Variants in SMG1 observed in about 807,000 individuals in gnomAD.
SMG1 encodes the protein serine/threonine-protein kinase SMG1.
In SMG1, 22 loss-of-function variants were observed where a neutral mutation model predicts 419.9. The observed-to-expected ratio is 0.05, with a 90% CI of 0.04 to 0.07. The LOEUF is 0.07. Ranked by LOEUF, SMG1 falls within the 10% of genes least tolerant of loss-of-function variation. The pLI is 1.00. For synonymous variants in SMG1, 1,538 were observed against 1,553.5 expected (o/e 0.99, Z 0.23); for missense variants, 3,185 against 4,342.0 (o/e 0.73, Z 7.49).
intron 10 of SMG1, among the ~76,000 whole-genome samples, chr16:18,880,738 G>A (rs1188538012): frequency 7.2e-6 from 1 of 138,948 alleles, no homozygotes; most frequent in Non-Finnish European, 1.6e-5. Flanking sequence ...GGGCGCGGAG[G>A]GGGAAGCATT....
Position 18,812,106 on chromosome 16 carries a change from T to C in SMG1, c.10643A>G (p.Gln3548Arg), listed in dbSNP as rs779636484. 7.4e-6 allele frequency: 12 copies of C among 1,613,206 alleles called. No homozygotes were observed. The highest frequency in any genetic ancestry group is 4.5e-5 in the East Asian group (2 of 44,898). Residue 3548 changes from glutamine to arginine, a missense_variant, in exon 61 of 63, where the codon CAG (glutamine) becomes CGG (arginine). Transcript: ENST00000446231. ...FAAAVRSNTG[Q>R]KTQPDVMSQN... ...TGACATGACATCAGGCTGAGTCTTC[T>C]GGCCAGTGTTACTCCGGACTGCTAC...
chr16:18,881,464 G>A (rs1484328911), intron 10 of SMG1, among the ~76,000 whole-genome samples: 4 of 152,022 alleles, frequency 2.6e-5, no homozygotes, highest in South Asian at 2.1e-4. Context: ...ATCTAGCAAC[G>A]TGTTCAGCAA....
rs758354285 is a variant in SMG1, at chr16:18,877,137, T to C, written c.1614A>G (p.Glu538=). Residue 538 remains glutamate (E), a synonymous_variant, in exon 12 of 63, where the codon GAA becomes GAG. Coordinates refer to ENST00000446231, the MANE Select transcript of SMG1 (RefSeq NM_015092.5). The part of the protein sequence containing the change: ...SKLLFLRYHK[E]KEVVAVAHAV... The stretch of plus-strand genomic sequence containing the variant: ...TTATCAATGTATTACTTACCTCTTT[T>C]TCTTTATGATAACGCAAGAATAGTA... 12 of 1,543,492 alleles carry C rather than the reference T, an allele frequency of 7.8e-6. No homozygotes were observed. In the South Asian group the frequency reaches 1.4e-4, roughly 18 times the overall value.
intron 1 of SMG1, among the ~76,000 whole-genome samples, chr16:18,918,339 C>G (rs1251561375): frequency 6.6e-6 from 1 of 152,180 alleles, no homozygotes. Context: ...GGGTTCCCAA[C>G]CCAGTGCTTC....
At chr16:18,892,684 G>T (rs1312590258) in intron 3 of SMG1, among the ~76,000 whole-genome samples, 2 of 152,084 alleles carry the variant, frequency 1.3e-5, no homozygotes, top group African/African-American at 4.8e-5. Flanking sequence ...AGTGAGCCAA[G>T]ATCACCCCAT....
intron 39 of SMG1, 125 bp downstream of exon 39, chr16:18,845,304 A>G (rs1346572513): frequency 1.3e-6 from 1 of 757,904 alleles, no homozygotes; most frequent in Non-Finnish European, 2.0e-6. Flanking sequence ...AACTGGCCAC[A>G]GGCTGCCTCC....
At chr16:18,913,055 T>A (rs1292027232) in intron 1 of SMG1, among the ~76,000 whole-genome samples, 1 of 152,150 alleles carries the variant, frequency 6.6e-6, no homozygotes, top group Non-Finnish European at 1.5e-5. Context: ...TTTTTACTCA[T>A]CTAATGAGAA....
intron 25 of SMG1, 31 bp downstream of exon 25, chr16:18,863,619 T>C (rs1330041862): frequency 6.4e-7 from 1 of 1,567,860 alleles, no homozygotes; most frequent in Non-Finnish European, 8.7e-7. Flanking sequence ...TATTGGAAAT[T>C]TGTTTTATAA....
chr16:18,908,408 T>C (rs1277235243), intron 1 of SMG1, among the ~76,000 whole-genome samples: 2 of 136,452 alleles, frequency 1.5e-5, no homozygotes, highest in Admixed American at 1.5e-4. Flanking sequence ...CCAACGAAGA[T>C]TAAGAATCAC....
At position 18,839,829 on chromosome 16, in the gene SMG1, G is replaced by T; in HGVS notation, c.6814C>A (p.Arg2272Ser). The T allele has an allele frequency of 6.2e-7, 1 of 1,613,868 alleles. No homozygotes were observed. Among genetic ancestry groups the T allele is most frequent in the Non-Finnish European group, 8.5e-7 (1 of 1,179,854 alleles). The change falls in exon 42 of 63, where the codon CGT becomes AGT. Residue 2272 changes from arginine to serine, a missense_variant. Coordinates refer to ENST00000446231, the MANE Select transcript of SMG1 (RefSeq NM_015092.5). ...KTVGLSLDVS[R>S]RDWPLHVMKA... The stretch of plus-strand genomic sequence containing the variant: ...ATTACATGAAGAGGCCAATCCCGAC[G>T]GGACACATCCAGGCTAAGCCCAACT...
rs2035072643 is a variant in SMG1 at position 18,859,085 on chromosome 16, A to G, written c.4050T>C (p.Ser1350=). 4 of 1,529,906 alleles carry G rather than the reference A, an allele frequency of 2.6e-6. No homozygotes were observed. Among genetic ancestry groups the G allele is most frequent in the Non-Finnish European group, 3.5e-6 (4 of 1,141,720 alleles). 94.8% of individuals were successfully genotyped at this position (1,529,906 alleles called of 1,614,324 possible). A position where few individuals can be genotyped will look rare whatever the true frequency, so the allele number is the denominator to read the frequency against. The part of the protein sequence containing the change: ...LTVSQSLPVL[S]TLQLYCSSAL... ...CAGATGAGCAATACAGCTGCAAGGT[A>G]CTTAGAACTGGCAAAGACTGTGAAA... Residue 1350 remains serine, a synonymous_variant, in exon 28 of 63, where the codon AGT becomes AGC. Coordinates refer to ENST00000446231, the MANE Select transcript of SMG1 (RefSeq NM_015092.5).
chr16:18,877,882 T>G (rs1179717996), intron 11 of SMG1: 1 of 152,184 alleles, frequency 6.6e-6, no homozygotes, highest in Admixed American at 6.5e-5. Context: ...GAGGTGTAAT[T>G]CTGGCAGAAA....
intron 10 of SMG1, among the ~76,000 whole-genome samples, chr16:18,881,161 C>T (rs1232964667): frequency 1.3e-5 from 2 of 151,030 alleles, no homozygotes; most frequent in East Asian, 3.9e-4. Context: ...AAAAAAACCA[C>T]CATTCTACCA....
chr16:18,841,436 T>C, intron 41 of SMG1, 129 bp downstream of exon 41: 1 of 658,628 alleles, frequency 1.5e-6, no homozygotes, highest in Non-Finnish European at 2.6e-6. Context: ...AAAAATACTC[T>C]CCTAGGGACC....
chr16:18,851,523 TA>T (rs1259437015), intron 33 of SMG1, among the ~76,000 whole-genome samples: 3 of 152,228 alleles, frequency 2.0e-5, no homozygotes, highest in East Asian at 3.8e-4. Context: ...TAAAAGTAAT[TA>T]AAAAATAAAT....
In SMG1 at chr16:18,839,920, C is replaced by G; in HGVS notation, c.6723G>C (p.Gln2241His). Residue 2241 changes from glutamine (Q) to histidine (H), a missense_variant, in exon 42 of 63, where the codon CAG (glutamine) becomes CAC (histidine). Around this residue, in one of 27 missense-constraint regions of SMG1, gnomAD observed 132 missense variants for 151.0 expected, o/e 0.87. Coordinates refer to ENST00000446231, the MANE Select transcript of SMG1 (RefSeq NM_015092.5). ...TAGGACGGGGTACAATTCCAGGATT[C>G]TGAGGAGTTTGGTAGGAATCTTGGG... ...QKAQDSYQTP[Q>H]NPGIVPRPSE... 1 of 1,601,028 alleles carries G rather than the reference C, an allele frequency of 6.2e-7. No homozygotes were observed. Among genetic ancestry groups the G allele is most frequent in the Non-Finnish European group, 8.5e-7 (1 of 1,173,048 alleles).
Position 18,869,992 on chromosome 16 carries a change from T to C in SMG1, c.2495A>G (p.Asn832Ser), listed in dbSNP as rs1337578393. Residue 832 changes from asparagine (N) to serine (S), a missense_variant and splice_region_variant, in exon 19 of 63, where the codon AAT (asparagine) becomes AGT (serine). This residue lies in a region of SMG1 where 297 missense variants were observed against 491.0 expected (regional missense o/e 0.60). Transcript: ENST00000446231. ...KSIPLDVVLSNNNHTEIQEIS... is the reference protein window; with the variant it reads ...KSIPLDVVLSSNNHTEIQEIS... ...TTCTTGAATTTCTGTGTGATTGTTA[T>C]TGCTGTAGACAGAAAATAAAGTTGT... The C allele has an allele frequency of 1.3e-6, 2 of 1,536,512 alleles. No homozygotes were observed. Among genetic ancestry groups the C allele is most frequent in the Non-Finnish European group, 8.7e-7 (1 of 1,144,974 alleles).
At chr16:18,901,008 T>C (rs1186648278) in intron 1 of SMG1, among the ~76,000 whole-genome samples, 2 of 152,296 alleles carry the variant, frequency 1.3e-5, no homozygotes, top group South Asian at 4.1e-4. Flanking sequence ...AAAATATTAA[T>C]TTGAGAGGCT....
chr16:18,888,901 C>A (rs2036757725), intron 6 of SMG1, among the ~76,000 whole-genome samples: 1 of 148,220 alleles, frequency 6.7e-6, no homozygotes, highest in South Asian at 2.1e-4. Context: ...CGACTCACTG[C>A]AAGCTCCGCC....
Sources: gnomAD v4.1 joint callset for allele counts (sites outside exome capture counted in the v4.1 genomes callset) on GRCh38, gnomAD v4.1.1 for gene constraint, gnomAD v4.1.1 regional missense constraint, MANE v1.5 for transcripts, NCBI Gene and HGNC (gene_info 2026-07-23, HGNC 2026-07-21) for gene names.